Variants in CDH2 observed in about 807,000 individuals in gnomAD.
CDH2 encodes cadherin 2.
CDH2 carries 17 observed loss-of-function variants against 92.0 expected under a neutral mutation model. That is an observed-to-expected ratio of 0.18 (90% CI 0.13 to 0.28). The LOEUF is 0.28. Among genes scored for constraint, CDH2 ranks in the 10% least tolerant of loss-of-function variants. The pLI, the probability that CDH2 is intolerant of heterozygous loss-of-function variation, is 1.00. For missense variants in CDH2, 862 were observed against 1,133.1 expected (o/e 0.76, Z 3.44); for synonymous variants, 419 against 415.9 (o/e 1.01, Z -0.09).
chr18:27,963,195 G>A (rs979375095), intron 15 of CDH2, among the ~76,000 whole-genome samples, 162 bp downstream of exon 15: 2 of 152,124 alleles, frequency 1.3e-5, no homozygotes, highest in Non-Finnish European at 2.9e-5. Context: ...TACATTTGTT[G>A]TTAATGAAGC....
chr18:28,023,627 A>G (rs984087957), intron 2 of CDH2, among the ~76,000 whole-genome samples: 5 of 152,084 alleles, frequency 3.3e-5, no homozygotes, highest in African/African-American at 4.8e-5. Context: ...GCCAATATGA[A>G]TATTTTAAAA....
At chr18:28,022,476 T>C (rs1295951404) in intron 2 of CDH2, among the ~76,000 whole-genome samples, 1 of 152,104 alleles carries the variant, frequency 6.6e-6, no homozygotes, top group African/African-American at 2.4e-5. Flanking sequence ...TGTCTCCTGA[T>C]TGAAATATCA....
At chr18:28,123,450 T>G (rs1244373914) in intron 2 of CDH2, among the ~76,000 whole-genome samples, 1 of 152,178 alleles carries the variant, frequency 6.6e-6, no homozygotes, top group East Asian at 1.9e-4. Context: ...AAGCATTATT[T>G]TGCTAATACT....
At chr18:27,983,667 C>G (rs2012133069) in intron 13 of CDH2, among the ~76,000 whole-genome samples, 1 of 152,176 alleles carries the variant, frequency 6.6e-6, no homozygotes, top group African/African-American at 2.4e-5. Flanking sequence ...CCTTTGAACA[C>G]TGAAATAATA....
intron 14 of CDH2, among the ~76,000 whole-genome samples, chr18:27,964,832 C>G (rs1340487272): frequency 2.6e-5 from 4 of 152,160 alleles, no homozygotes; most frequent in Non-Finnish European, 5.9e-5. Context: ...ATTCCAAAGC[C>G]TGGCTCTCTT....
intron 1 of CDH2, among the ~76,000 whole-genome samples, chr18:28,165,845 T>C (rs567994651): frequency 5.3e-5 from 8 of 152,004 alleles, no homozygotes; most frequent in African/African-American, 1.7e-4. Flanking sequence ...ACAGAAATGA[T>C]GTACTTGATA....
At chr18:28,155,927 T>C (rs2016203174) in intron 1 of CDH2, among the ~76,000 whole-genome samples, 1 of 152,160 alleles carries the variant, frequency 6.6e-6, no homozygotes, top group African/African-American at 2.4e-5. Context: ...CACTTTTGAA[T>C]TTCACATCCC....
At chr18:27,953,901 T>G (rs995726888) in intron 15 of CDH2, among the ~76,000 whole-genome samples, 13 of 152,178 alleles carry the variant, frequency 8.5e-5, no homozygotes, top group Non-Finnish European at 1.8e-4. Flanking sequence ...AAAAATGTCC[T>G]GCCTTGGGAT....
intron 2 of CDH2, among the ~76,000 whole-genome samples, chr18:28,101,502 A>C (rs906963885): frequency 9.9e-5 from 15 of 152,244 alleles, no homozygotes; most frequent in African/African-American, 3.6e-4. Context: ...ATTTCTCCAA[A>C]AGCCACCTGG....
In CDH2 at chr18:28,013,891, T is replaced by C. The variant is rs779271742; in HGVS notation, c.191A>G (p.Asn64Ser). ...PLLNVKFSNC[N>S]GKRKVQYESS... ...CTCATATTGTACTTTTCTTTTTCCATTGCAGTTGCTAAACTTCACTGTAAA... is the reference window on the plus strand; with the variant it reads ...CTCATATTGTACTTTTCTTTTTCCACTGCAGTTGCTAAACTTCACTGTAAA... The change falls in exon 3 of 16, where the codon AAT becomes AGT. Residue 64 changes from asparagine to serine, a missense_variant. By Grantham distance (46) the Asn-to-Ser change is conservative (BLOSUM62 1). Coordinates refer to ENST00000269141, the MANE Select transcript of CDH2 (RefSeq NM_001792.5). The C allele has an allele frequency of 6.2e-6, 10 of 1,612,426 alleles. No individual in the cohort carries two copies. The highest frequency in any genetic ancestry group is 2.2e-5 in the East Asian group (1 of 44,882).
chr18:28,001,308 C>G (rs1295619172), intron 7 of CDH2, among the ~76,000 whole-genome samples: 2 of 152,108 alleles, frequency 1.3e-5, no homozygotes, highest in African/African-American at 4.8e-5. Flanking sequence ...ATTTTCCATG[C>G]CTCTTTCTTT....
intron 2 of CDH2, among the ~76,000 whole-genome samples, chr18:28,033,836 C>G (rs367725243): frequency 6.6e-6 from 1 of 152,046 alleles, no homozygotes; most frequent in East Asian, 1.9e-4. Context: ...GAGTACAGTA[C>G]AGAAGTAACC....
intron 1 of CDH2, among the ~76,000 whole-genome samples, chr18:28,163,237 A>C (rs2016332145): frequency 6.6e-6 from 1 of 152,240 alleles, no homozygotes; most frequent in Non-Finnish European, 1.5e-5. Context: ...TACAACAAGT[A>C]TCCTAAAATT....
intron 2 of CDH2, among the ~76,000 whole-genome samples, chr18:28,139,454 T>A (rs1286306186): frequency 6.6e-6 from 1 of 152,008 alleles, no homozygotes; most frequent in African/African-American, 2.4e-5. Context: ...CAAACTGAGT[T>A]TCCAGACTCC....
intron 7 of CDH2, among the ~76,000 whole-genome samples, chr18:27,999,377 T>C (rs2012689673): frequency 6.6e-6 from 1 of 152,066 alleles, no homozygotes. Flanking sequence ...AGCAGGTTTG[T>C]AGATTATGAA....
chr18:28,012,502 T>C (rs2013129194), intron 3 of CDH2, among the ~76,000 whole-genome samples: 2 of 152,184 alleles, frequency 1.3e-5, no homozygotes, highest in South Asian at 2.1e-4. Flanking sequence ...ATGTCAGCCA[T>C]GATGGATGCT....
chr18:27,999,847 G>A (rs536876852), intron 7 of CDH2, among the ~76,000 whole-genome samples: 89 of 151,986 alleles, frequency 5.9e-4, no homozygotes, highest in African/African-American at 2.0e-3. Flanking sequence ...GGAACCGGGT[G>A]GAGGTAACTG....
chr18:27,974,859 C>T (rs1336405449), intron 14 of CDH2, among the ~76,000 whole-genome samples: 1 of 152,170 alleles, frequency 6.6e-6, no homozygotes, highest in Non-Finnish European at 1.5e-5. Flanking sequence ...TGATCTTGGA[C>T]TTCCCAGGAT....
chr18:27,998,144 C>A (rs531854907), intron 7 of CDH2, among the ~76,000 whole-genome samples: 1 of 152,170 alleles, frequency 6.6e-6, no homozygotes, highest in Non-Finnish European at 1.5e-5. Context: ...CCCCACTTCC[C>A]TCATCTGTGA....
Sources: gnomAD v4.1 joint callset for allele counts (sites outside exome capture counted in the v4.1 genomes callset) on GRCh38, gnomAD v4.1.1 for gene constraint, MANE v1.5 for transcripts, NCBI Gene and HGNC (gene_info 2026-07-23, HGNC 2026-07-21) for gene names.